The following RNLS variants were observed in gnomAD, a reference collection of about 807,000 sequenced individuals.
RNLS encodes renalase, FAD dependent amine oxidase.
RNLS carries 39 observed loss-of-function variants against 39.8 expected under a neutral mutation model. That is an observed-to-expected ratio of 0.98 (90% confidence interval 0.76 to 1.28). The LOEUF (loss-of-function observed/expected upper bound fraction) is 1.28, where lower values mean the gene tolerates loss of function less well. RNLS is among the 50% of genes most tolerant of loss of function. RNLS has a pLI of 0.00. For missense variants in RNLS, 410 were observed against 413.3 expected (o/e 0.99, Z 0.07); for synonymous variants, 147 against 150.7 (o/e 0.98, Z 0.18).
chr10:88,204,149 C>T, the RNLS span, among the ~76,000 whole-genome samples: 1 of 152,166 alleles, frequency 6.6e-6, no homozygotes, highest in Non-Finnish European at 1.5e-5. Flanking sequence ...AGACCATGGT[C>T]TGTGCTTGGG....
At chr10:88,237,212 C>CT in the RNLS span, among the ~76,000 whole-genome samples, 1 of 148,560 alleles carries the variant, frequency 6.7e-6, no homozygotes, top group Non-Finnish European at 1.5e-5. Context: ...TATGTAGACA[C>CT]TTTGAGTCCC....
chr10:88,356,637 A>G (rs1849212268), intron 5 of RNLS, among the ~76,000 whole-genome samples: 1 of 152,254 alleles, frequency 6.6e-6, no homozygotes, highest in African/African-American at 2.4e-5. Flanking sequence ...CAAAGATTCT[A>G]ACAATAAAAT....
intron 4 of RNLS, among the ~76,000 whole-genome samples, chr10:88,528,371 G>A (rs1442901594): frequency 1.3e-5 from 2 of 152,118 alleles, no homozygotes; most frequent in African/African-American, 4.8e-5. Flanking sequence ...GAAAATGTAT[G>A]TCCTATGTAC....
chr10:88,173,491 A>G, the RNLS span, among the ~76,000 whole-genome samples: 1 of 152,132 alleles, frequency 6.6e-6, no homozygotes, highest in South Asian at 2.1e-4. Context: ...TACACATTTT[A>G]GGAGTTTCTT....
intron 6 of RNLS, among the ~76,000 whole-genome samples, chr10:88,301,252 G>A (rs529598633): frequency 3.3e-5 from 5 of 152,286 alleles, no homozygotes; most frequent in Non-Finnish European, 5.9e-5. Context: ...ATTAAACTGT[G>A]AGTGTACATC....
At chr10:88,277,543 T>C (rs1842856514) in intron 6 of RNLS, among the ~76,000 whole-genome samples, 1 of 152,186 alleles carries the variant, frequency 6.6e-6, no homozygotes, top group South Asian at 2.1e-4. Flanking sequence ...ATAAGATACA[T>C]TTGCTTTGAT....
chr10:88,268,732 C>T, the RNLS span, among the ~76,000 whole-genome samples: 1 of 152,292 alleles, frequency 6.6e-6, no homozygotes, highest in East Asian at 1.9e-4. Context: ...CTAGACTTGC[C>T]CCACAGAGTG....
chr10:88,452,757 C>A (rs767005822), intron 4 of RNLS, among the ~76,000 whole-genome samples: 1 of 152,310 alleles, frequency 6.6e-6, no homozygotes, highest in South Asian at 2.1e-4. Context: ...GGGTCAACAT[C>A]CTGGCAAATA....
intron 4 of RNLS, among the ~76,000 whole-genome samples, chr10:88,370,885 C>G (rs1184420314): frequency 1.3e-5 from 2 of 152,136 alleles, no homozygotes; most frequent in African/African-American, 4.8e-5. Flanking sequence ...TGAATGTTAA[C>G]TTGGACTCTA....
At chr10:88,302,996 C>T (rs1844639944) in intron 6 of RNLS, among the ~76,000 whole-genome samples, 1 of 152,160 alleles carries the variant, frequency 6.6e-6, no homozygotes, top group Non-Finnish European at 1.5e-5. Flanking sequence ...AGGGAAGACA[C>T]AGAAGCTGTA....
At position 88,446,614 on chromosome 10, in the gene RNLS, A is replaced by C. The variant is rs190284261; in HGVS notation, c.527-83889T>G. Among the ~76,000 whole-genome samples, 112 of 152,288 alleles carry C rather than the reference A, an allele frequency of 7.4e-4. 1 individual carries two copies. The highest frequency in any genetic ancestry group is 7.0e-3 in the South Asian group (34 of 4,824). On this transcript the variant is annotated intron_variant, in intron 4 of 6. Transcript: ENST00000331772. ...TAGAGGAGAATCAAATAGATGCAAT[A>C]AAAATGATAAAGGGGATATCACCAC...
chr10:88,516,403 T>C (rs998390842), intron 4 of RNLS, among the ~76,000 whole-genome samples: 4 of 152,042 alleles, frequency 2.6e-5, no homozygotes, highest in Non-Finnish European at 5.9e-5. Context: ...TTCTTTAGAT[T>C]ATAATGTGAA....
At chr10:88,487,321 C>T (rs7081712) in intron 4 of RNLS, among the ~76,000 whole-genome samples, 28,308 of 150,832 alleles carry the variant, frequency 0.19, 2,907 homozygotes, top group Middle Eastern at 0.29. Context: ...ACCCCTGAAC[C>T]TAAAATAAAA....
chr10:88,453,057 T>C (rs974729429), intron 4 of RNLS, among the ~76,000 whole-genome samples: 21 of 152,186 alleles, frequency 1.4e-4, no homozygotes. Flanking sequence ...TGAGTATTTG[T>C]TAAGGCCATG....
At chr10:88,341,329 CAAAA>C (rs755002114) in intron 5 of RNLS, among the ~76,000 whole-genome samples, 4 of 50,696 alleles carry the variant, frequency 7.9e-5, no homozygotes, top group Non-Finnish European at 1.6e-4. Flanking sequence ...AACTCCATCT[CAAAA>C]AAAAAAAAAA....
chr10:88,308,127 T>A (rs1845064954), intron 6 of RNLS, among the ~76,000 whole-genome samples: 1 of 152,048 alleles, frequency 6.6e-6, no homozygotes, highest in Admixed American at 6.6e-5. Context: ...AAAAATTAAC[T>A]CAAAATGAAT....
intron 6 of RNLS, among the ~76,000 whole-genome samples, chr10:88,289,598 T>C (rs995073487): frequency 2.6e-5 from 4 of 152,112 alleles, no homozygotes; most frequent in Non-Finnish European, 5.9e-5. Context: ...GCCTGTCTCC[T>C]CTCCTCCTAG....
chr10:88,191,590 G>T, the RNLS span, among the ~76,000 whole-genome samples: 2 of 152,198 alleles, frequency 1.3e-5, no homozygotes, highest in African/African-American at 4.8e-5. Flanking sequence ...CAAATGCAGG[G>T]ATTAGAAGGC....
intron 4 of RNLS, among the ~76,000 whole-genome samples, chr10:88,520,011 A>G (rs1846635719): frequency 6.6e-6 from 1 of 151,910 alleles, no homozygotes; most frequent in South Asian, 2.1e-4. Flanking sequence ...CCGAAGACCT[A>G]AAGTTGCTCT....
Sources: gnomAD v4.1 joint callset for allele counts (sites outside exome capture counted in the v4.1 genomes callset) on GRCh38, gnomAD v4.1.1 for gene constraint, MANE v1.5 for transcripts, NCBI Gene and HGNC (gene_info 2026-07-23, HGNC 2026-07-21) for gene names.